Variants in SRGAP1 observed in about 807,000 individuals in gnomAD.
The protein encoded by SRGAP1 is SLIT-ROBO Rho GTPase activating protein 1.
SRGAP1 carries 43 observed loss-of-function variants against 121.9 expected under a neutral mutation model. The observed-to-expected ratio is 0.35, with a 90% CI of 0.28 to 0.46. The LOEUF (loss-of-function observed/expected upper bound fraction) is 0.46. Ranked by LOEUF, SRGAP1 falls within the 20% of genes least tolerant of loss-of-function variation. SRGAP1 has a pLI of 1.00. For synonymous variants in SRGAP1, 447 were observed against 485.4 expected (o/e 0.92, Z 1.04); for missense variants, 1,102 against 1,350.9 (o/e 0.82, Z 2.89).
intron 6 of SRGAP1, among the ~76,000 whole-genome samples, chr12:64,061,549 C>A (rs2035450336): frequency 1.3e-5 from 2 of 152,126 alleles, no homozygotes; most frequent in African/African-American, 4.8e-5. Context: ...TATGGAGATA[C>A]AATTCACATA....
chr12:64,107,522 A>G (rs542537274), intron 15 of SRGAP1, among the ~76,000 whole-genome samples: 1 of 152,330 alleles, frequency 6.6e-6, no homozygotes, highest in South Asian at 2.1e-4. Flanking sequence ...CATTCAAGGG[A>G]GAAAAATGAA....
At chr12:64,083,779 G>A (rs1341904087) in intron 10 of SRGAP1, among the ~76,000 whole-genome samples, 2 of 152,106 alleles carry the variant, frequency 1.3e-5, no homozygotes, top group Non-Finnish European at 2.9e-5. Context: ...TGGAGTTAAG[G>A]GGGTGCAAAT....
chr12:63,966,321 C>T (rs1045137980), intron 1 of SRGAP1, among the ~76,000 whole-genome samples: 1 of 152,084 alleles, frequency 6.6e-6, no homozygotes, highest in South Asian at 2.1e-4. Context: ...CATGCATTTT[C>T]TAATTTAATC....
intron 1 of SRGAP1, among the ~76,000 whole-genome samples, chr12:63,872,654 A>G (rs1899893238): frequency 6.6e-6 from 1 of 152,230 alleles, no homozygotes; most frequent in African/African-American, 2.4e-5. Flanking sequence ...CATTCAACAA[A>G]CAGCTATTGA....
chr12:63,907,056 A>T (rs1222497959), intron 1 of SRGAP1, among the ~76,000 whole-genome samples: 2 of 152,146 alleles, frequency 1.3e-5, no homozygotes, highest in Non-Finnish European at 2.9e-5. Context: ...ATTTCTCCAC[A>T]TCCTCACCAC....
At chr12:63,979,369 A>G (rs1264463540) in intron 1 of SRGAP1, among the ~76,000 whole-genome samples, 3 of 151,764 alleles carry the variant, frequency 2.0e-5, no homozygotes, top group East Asian at 3.9e-4. Flanking sequence ...TTTTGTTTTT[A>G]TTGTTGAGTT....
At chr12:64,058,623 A>C (rs1409947134) in intron 6 of SRGAP1, among the ~76,000 whole-genome samples, 1 of 152,120 alleles carries the variant, frequency 6.6e-6, no homozygotes, top group Non-Finnish European at 1.5e-5. Flanking sequence ...CTTTGTTTTC[A>C]TGAAATCTTG....
At chr12:64,123,492 C>G (rs895440528) in intron 18 of SRGAP1, among the ~76,000 whole-genome samples, 1 of 152,190 alleles carries the variant, frequency 6.6e-6, no homozygotes, top group East Asian at 1.9e-4. Flanking sequence ...TGAGATCATT[C>G]CCTTTAAATA....
chr12:63,908,728 G>T (rs1018934587), intron 1 of SRGAP1, among the ~76,000 whole-genome samples: 13 of 151,966 alleles, frequency 8.6e-5, no homozygotes, highest in African/African-American at 2.9e-4. Flanking sequence ...TAGTTACTTC[G>T]TTCTTTTTGC....
chr12:63,931,523 T>C (rs1827850511), intron 1 of SRGAP1, among the ~76,000 whole-genome samples: 1 of 152,212 alleles, frequency 6.6e-6, no homozygotes, highest in South Asian at 2.1e-4. Context: ...TACATATGGA[T>C]GAAGCACTGT....
At chr12:64,123,903 A>G (rs2036646925) in intron 18 of SRGAP1, among the ~76,000 whole-genome samples, 2 of 152,112 alleles carry the variant, frequency 1.3e-5, no homozygotes, top group Admixed American at 1.3e-4. Flanking sequence ...TGGTTCTGCA[A>G]TACAAAATAT....
At chr12:63,981,952 G>A (rs2033264495) in intron 1 of SRGAP1, among the ~76,000 whole-genome samples, 2 of 151,968 alleles carry the variant, frequency 1.3e-5, no homozygotes, top group Non-Finnish European at 2.9e-5. Flanking sequence ...GGTGGCTCAC[G>A]CCTGTAATCC....
chr12:63,904,632 A>G (rs543941355), intron 1 of SRGAP1, among the ~76,000 whole-genome samples: 1 of 152,324 alleles, frequency 6.6e-6, no homozygotes, highest in South Asian at 2.1e-4. Context: ...TCCACAAGAT[A>G]TTAACATACA....
chr12:64,125,786 A>C (rs573182448), intron 18 of SRGAP1, among the ~76,000 whole-genome samples, 191 bp from the exon 19 acceptor site: 2 of 152,172 alleles, frequency 1.3e-5, no homozygotes, highest in Admixed American at 6.5e-5. Context: ...GATGACAGCA[A>C]GATAATGTTT....
intron 1 of SRGAP1, among the ~76,000 whole-genome samples, chr12:63,854,033 A>G (rs1467927579): frequency 6.6e-6 from 1 of 152,188 alleles, no homozygotes; most frequent in East Asian, 1.9e-4. Flanking sequence ...GCTTTGTGAA[A>G]TATACATACA....
chr12:63,903,457 G>A (rs1038146360), intron 1 of SRGAP1, among the ~76,000 whole-genome samples: 2 of 152,086 alleles, frequency 1.3e-5, no homozygotes, highest in African/African-American at 4.8e-5. Flanking sequence ...TGTTGGCCAG[G>A]CTGTACTTGA....
At chr12:63,876,773 A>G (rs144041494) in intron 1 of SRGAP1, among the ~76,000 whole-genome samples, 1 of 152,310 alleles carries the variant, frequency 6.6e-6, no homozygotes, top group East Asian at 1.9e-4. Context: ...ACTTTTTAGG[A>G]TCATGTAGTA....
At position 63,951,152 on chromosome 12, in the gene SRGAP1, C is replaced by CTTTTTTTTTTTTTTTTTTT. The variant is rs58637983; in HGVS notation, c.68-32784_68-32766dup. On this transcript the variant is annotated intron_variant, in intron 1 of 21. Transcript: ENST00000355086. Reference sequence around the variant, plus strand: ...GGGCTGGTCCATGCCATTTAGAACTCTTTTTTTTTTTTTTTTTTTTTTTTT... The same window carrying CTTTTTTTTTTTTTTTTTTT: ...GGGCTGGTCCATGCCATTTAGAACTCTTTTTTTTTTTTTTTTTTTTTTTTTTTTTTTTTTTTTTTTTTTT... 3.2e-4 allele frequency among the ~76,000 whole-genome samples: 14 copies of CTTTTTTTTTTTTTTTTTTT among 44,186 alleles called. 1 individual carries two copies. The highest frequency in any genetic ancestry group is 1.1e-3 in the African/African-American group (13 of 11,922). The allele number at this position is 44,186 out of a possible 152,430, so 29.0% of individuals were successfully genotyped here.
Position 64,151,345 on chromosome 12 carries a change from T to C in SRGAP1, c.*8673T>C, listed in dbSNP as rs535266564. The stretch of plus-strand genomic sequence containing the variant: ...ACATGATTTTTTAATGGCTGTATAA[T>C]ATTCTAGCGTATGAACACATCATTA... On this transcript the variant is annotated 3_prime_UTR_variant, in exon 22 of 22. Transcript: ENST00000355086. The C allele has an allele frequency of 6.6e-6, 1 of 152,324 alleles. No homozygotes were observed. The highest frequency in any genetic ancestry group is 2.4e-5 in the African/African-American group (1 of 41,568). The allele number at this position is 152,324 out of a possible 1,614,324, so 9.4% of individuals were successfully genotyped here. A position where few individuals can be genotyped will look rare whatever the true frequency, so the allele number is the denominator to read the frequency against.
Sources: allele counts gnomAD v4.1 joint callset (sites outside exome capture counted in the v4.1 genomes callset), GRCh38; gene constraint gnomAD v4.1.1; transcripts MANE v1.5; gene names NCBI Gene and HGNC (gene_info 2026-07-23, HGNC 2026-07-21).